The following ZFHX3 variants were observed in gnomAD, a reference collection of about 807,000 sequenced individuals.
ZFHX3 encodes zinc finger homeobox protein 3.
Under a neutral mutation model 279.1 loss-of-function variants are expected in ZFHX3, and 42 were observed. That is an observed-to-expected ratio of 0.15 (90% CI 0.12 to 0.19). ZFHX3 has a LOEUF of 0.19. Ranked by LOEUF, ZFHX3 falls within the 10% of genes least tolerant of loss-of-function variation. The pLI, the probability that ZFHX3 is intolerant of heterozygous loss-of-function variation, is 1.00. For synonymous variants in ZFHX3, 2,293 were observed against 1,957.8 expected, an observed-to-expected ratio of 1.17 and a Z score of -4.52; for missense variants, 4,981 against 4,754.0, an observed-to-expected ratio of 1.05 and a Z score of -1.40.
chr16:73,418,821 A>G (rs1259846370), intron 3 of ZFHX3, among the ~76,000 whole-genome samples: 1 of 152,202 alleles, frequency 6.6e-6, no homozygotes, highest in Non-Finnish European at 1.5e-5. Flanking sequence ...TCCTTTGTAC[A>G]TATATATAAA....
At chr16:73,450,773 A>T (rs549501387) in intron 3 of ZFHX3, among the ~76,000 whole-genome samples, 1 of 152,364 alleles carries the variant, frequency 6.6e-6, no homozygotes, top group South Asian at 2.1e-4. Flanking sequence ...AGCTTCTGCC[A>T]TTAGCAAATT....
chr16:73,756,142 A>G (rs2053806801), intron 1 of ZFHX3, among the ~76,000 whole-genome samples: 1 of 152,220 alleles, frequency 6.6e-6, no homozygotes, highest in African/African-American at 2.4e-5. Flanking sequence ...ATGAGAAGGA[A>G]GAAAACAGAA....
chr16:73,835,159 A>G (rs1482569707), intron 1 of ZFHX3, among the ~76,000 whole-genome samples: 2 of 152,194 alleles, frequency 1.3e-5, no homozygotes, highest in Non-Finnish European at 1.5e-5. Flanking sequence ...TGGCGAGGCT[A>G]TAAGACAAAG....
At chr16:73,726,350 G>A (rs1303174025) in intron 1 of ZFHX3, among the ~76,000 whole-genome samples, 1 of 152,158 alleles carries the variant, frequency 6.6e-6, no homozygotes, top group Admixed American at 6.5e-5. Context: ...GCATGGAAGT[G>A]GTTTAAGGTG....
intron 2 of ZFHX3, among the ~76,000 whole-genome samples, chr16:73,527,263 T>TGTGAA (rs1360935377): frequency 1.3e-5 from 2 of 152,152 alleles, no homozygotes; most frequent in African/African-American, 4.8e-5. Context: ...ACACTCAGGA[T>TGTGAA]GTGAAGGGTT....
intron 1 of ZFHX3, among the ~76,000 whole-genome samples, chr16:73,821,669 T>C (rs1960743817): frequency 6.6e-6 from 1 of 152,212 alleles, no homozygotes; most frequent in African/African-American, 2.4e-5. Flanking sequence ...ATGAGGAAGC[T>C]AGATTGTGAA....
At chr16:72,986,789 C>T (rs145985882) in intron 1 of ZFHX3, among the ~76,000 whole-genome samples, 1 of 152,110 alleles carries the variant, frequency 6.6e-6, no homozygotes, top group East Asian at 1.9e-4. Flanking sequence ...AGGATGGCAG[C>T]CCCAGGACTT....
intron 2 of ZFHX3, among the ~76,000 whole-genome samples, chr16:73,581,920 T>G (rs989036361): frequency 2.6e-5 from 4 of 151,682 alleles, no homozygotes; most frequent in Non-Finnish European, 5.9e-5. Context: ...ATGATCCACC[T>G]GCCTTGGCCT....
intron 2 of ZFHX3, among the ~76,000 whole-genome samples, chr16:73,601,429 C>G (rs1159321449): frequency 6.6e-6 from 1 of 150,902 alleles, no homozygotes; most frequent in African/African-American, 2.4e-5. Flanking sequence ...GAGATCACGC[C>G]GCTGCACTCC....
At chr16:73,190,993 T>C (rs957308527) in intron 5 of ZFHX3, among the ~76,000 whole-genome samples, 1 of 151,956 alleles carries the variant, frequency 6.6e-6, no homozygotes, top group African/African-American at 2.4e-5. Flanking sequence ...AAACCCTTTT[T>C]AGTTTGCTAC....
chr16:73,538,418 A>G (rs142873027), intron 2 of ZFHX3, among the ~76,000 whole-genome samples: 63 of 152,236 alleles, frequency 4.1e-4, no homozygotes, highest in African/African-American at 1.4e-3. Flanking sequence ...TGAAGGTATC[A>G]TCATTAATTG....
chr16:73,841,036 A>G (rs1028841512), intron 1 of ZFHX3, among the ~76,000 whole-genome samples: 1 of 152,210 alleles, frequency 6.6e-6, no homozygotes, highest in African/African-American at 2.4e-5. Flanking sequence ...ACCATTCTCC[A>G]GGCTGGAGTC....
intron 5 of ZFHX3, among the ~76,000 whole-genome samples, chr16:73,158,330 C>A (rs556618863): frequency 6.6e-6 from 1 of 152,156 alleles, no homozygotes; most frequent in East Asian, 1.9e-4. Flanking sequence ...AGTTTAAAAT[C>A]TTTATAAGAC....
chr16:72,867,159 C>G (rs545287026), intron 4 of ZFHX3, among the ~76,000 whole-genome samples: 35 of 152,288 alleles, frequency 2.3e-4, no homozygotes, highest in African/African-American at 8.2e-4. Flanking sequence ...CATCCTCAAC[C>G]CCACAGGAAG....
upstream of ZFHX3, among the ~76,000 whole-genome samples, chr16:73,049,452 G>A (rs140868596): frequency 3.9e-5 from 6 of 152,318 alleles, no homozygotes; most frequent in East Asian, 1.2e-3. Flanking sequence ...ATGCTTAGCT[G>A]GTGAAAACCA....
intron 1 of ZFHX3, among the ~76,000 whole-genome samples, chr16:73,725,225 G>A (rs1215889501): frequency 6.6e-6 from 1 of 152,176 alleles, no homozygotes; most frequent in Non-Finnish European, 1.5e-5. Context: ...TTTTTAAAAA[G>A]GCTTTTATAT....
intron 1 of ZFHX3, among the ~76,000 whole-genome samples, chr16:73,876,026 C>A (rs2029935273): frequency 6.6e-6 from 1 of 152,136 alleles, no homozygotes; most frequent in Admixed American, 6.5e-5. Context: ...ACATAAAAAT[C>A]TGCAATAAAT....
intron 4 of ZFHX3, among the ~76,000 whole-genome samples, chr16:73,293,108 G>C (rs777963056): frequency 2.6e-5 from 4 of 152,182 alleles, no homozygotes; most frequent in Non-Finnish European, 4.4e-5. Context: ...GTGTGTTTTA[G>C]ACCAACCTAC....
chr16:73,346,338 G>T (rs564142812), intron 3 of ZFHX3, among the ~76,000 whole-genome samples: 1 of 152,112 alleles, frequency 6.6e-6, no homozygotes, highest in Non-Finnish European at 1.5e-5. Flanking sequence ...CTGTCCTCTC[G>T]CCACCATGGA....
Sources: allele counts gnomAD v4.1 joint callset (sites outside exome capture counted in the v4.1 genomes callset), GRCh38; gene constraint gnomAD v4.1.1; transcripts MANE v1.5; gene names NCBI Gene and HGNC (gene_info 2026-07-23, HGNC 2026-07-21).